Variants in TARS2 observed in about 807,000 individuals in gnomAD.
The protein encoded by TARS2 is threonine--tRNA ligase, mitochondrial.
Under a neutral mutation model 94.4 loss-of-function variants are expected in TARS2, and 61 were observed. The ratio of observed to expected loss-of-function variants is 0.65; its 90% confidence interval spans 0.53 to 0.80. The LOEUF (loss-of-function observed/expected upper bound fraction) is 0.80. Ranked by LOEUF, TARS2 falls within the 30% of genes least tolerant of loss-of-function variation. The pLI, the probability that TARS2 is intolerant of heterozygous loss-of-function variation, is 0.00. For missense variants in TARS2, 704 were observed against 902.5 expected (o/e 0.78, Z 2.82); for synonymous variants, 359 against 353.4 (o/e 1.02, Z -0.18).
intron 7 of TARS2, among the ~76,000 whole-genome samples, chr1:150,495,774 C>A (rs1669635894): frequency 6.6e-6 from 1 of 151,788 alleles, no homozygotes; most frequent in Non-Finnish European, 1.5e-5. Context: ...GGCTGGAGTG[C>A]AGTGGTGCGA....
chr1:150,489,209 C>G, intron 3 of TARS2, 122 bp downstream of exon 3: 1 of 1,410,580 alleles, frequency 7.1e-7, no homozygotes, highest in Non-Finnish European at 1.0e-6. Context: ...GGAGACCTAC[C>G]ACAGACTGTC....
intron 13 of TARS2, among the ~76,000 whole-genome samples, chr1:150,502,364 G>A (rs913028548): frequency 6.7e-6 from 1 of 149,378 alleles, no homozygotes; most frequent in African/African-American, 2.5e-5. Flanking sequence ...TGGGACAGGT[G>A]TGCACCACCA....
intron 5 of TARS2, 24 bp from the exon 6 acceptor site, chr1:150,491,574 A>T (rs1327981238): frequency 6.2e-7 from 1 of 1,614,180 alleles, no homozygotes; most frequent in Non-Finnish European, 8.5e-7. Flanking sequence ...ACTTTTCTTC[A>T]ATCTCCCTTC....
chr1:150,504,479 G>A (rs759016563), intron 14 of TARS2, 44 bp downstream of exon 14: 40 of 1,602,510 alleles, frequency 2.5e-5, no homozygotes, highest in Non-Finnish European at 3.4e-5. Flanking sequence ...ACAGTGCATG[G>A]AATAAGTCCT....
chr1:150,496,366 A>C lies in TARS2; in HGVS notation c.775-116A>C, dbSNP rs1343965. The stretch of plus-strand genomic sequence containing the variant: ...TGGAGGTGTTCATCCTACTGGTGGG[A>C]TTGTTGTCAAGAGGCATACCTGTGA... On this transcript the variant is annotated intron_variant, in intron 7 of 17. Transcript: ENST00000369064. 2.2e-5 allele frequency: 27 copies of C among 1,237,818 alleles called. No individual in the cohort carries two copies. In the South Asian group the frequency reaches 3.8e-4, roughly 17 times the overall value. The allele number at this position is 1,237,818 out of a possible 1,614,324, so 76.7% of individuals were successfully genotyped here.
intron 13 of TARS2, among the ~76,000 whole-genome samples, chr1:150,502,733 G>A (rs954391064): frequency 6.6e-6 from 1 of 152,010 alleles, no homozygotes; most frequent in African/African-American, 2.4e-5. Flanking sequence ...GACTGTGTTG[G>A]GGTCTTTTAT....
chr1:150,500,948 T>C (rs1570860510), intron 13 of TARS2, among the ~76,000 whole-genome samples: 1 of 152,114 alleles, frequency 6.6e-6, no homozygotes, highest in Admixed American at 6.6e-5. Flanking sequence ...GAAGCCTTCA[T>C]AGAAGGGATC....
At chr1:150,501,051 A>G (rs587608694) in intron 13 of TARS2, among the ~76,000 whole-genome samples, 1 of 152,240 alleles carries the variant, frequency 6.6e-6, no homozygotes, top group East Asian at 1.9e-4. Context: ...GGCTCTTCCC[A>G]TCCCATGGTA....
At chr1:150,490,112 G>GT (rs1669315849) in intron 3 of TARS2, among the ~76,000 whole-genome samples, 2 of 94,366 alleles carry the variant, frequency 2.1e-5, no homozygotes, top group Non-Finnish European at 4.4e-5. Context: ...TTTCTATTCA[G>GT]TCTTTTTTTT....
intron 7 of TARS2, among the ~76,000 whole-genome samples, chr1:150,493,646 G>A (rs942669881): frequency 5.9e-5 from 9 of 151,924 alleles, no homozygotes; most frequent in Admixed American, 1.3e-4. Context: ...CCAGCTACTT[G>A]TGAGGCTGAG....
chr1:150,505,653 C>G lies in TARS2; in HGVS notation c.1956C>G (p.Thr652=), dbSNP rs1470388685. 1.9e-6 allele frequency: 3 copies of G among 1,614,166 alleles called. No individual in the cohort carries two copies. The highest frequency in any genetic ancestry group is 2.2e-5 in the South Asian group (2 of 91,080). ...ACCTGGATGCAGACTCTGGACTGAC[C>G]CTCAGCCGGAGAATCCGCCGGGCCC... ...VSDLDADSGL[T]LSRRIRRAQL... The change falls in exon 17 of 18, where the codon ACC becomes ACG. Residue 652 remains threonine, a synonymous_variant. Transcript: ENST00000369064.
chr1:150,489,022 G>A lies in TARS2; in HGVS notation c.322G>A (p.Glu108Lys), dbSNP rs114986628. The A allele has an allele frequency of 1.9e-6, 3 of 1,614,220 alleles. No homozygotes were observed. Among genetic ancestry groups the A allele is most frequent in the Admixed American group, 1.7e-5 (1 of 60,028 alleles). ...AQVNGEPYDL[E>K]RPLETDSDLR... Reference sequence around the variant, plus strand: ...AGTGAATGGAGAACCTTATGATCTGGAGCGGCCCTTGGAGACAGATTCTGA... The same window carrying A: ...AGTGAATGGAGAACCTTATGATCTGAAGCGGCCCTTGGAGACAGATTCTGA... The change falls in exon 3 of 18, where the codon GAG becomes AAG. Residue 108 changes from glutamate (E) to lysine (K), a missense_variant. Coordinates refer to ENST00000369064, the MANE Select transcript of TARS2 (RefSeq NM_025150.5).
rs1345332341 is a variant in TARS2 at position 150,491,383 on chromosome 1, C to T, written c.513-11C>T. The T allele has an allele frequency of 5.0e-6, 8 of 1,609,508 alleles. No individual in the cohort carries two copies. Among genetic ancestry groups the T allele is most frequent in the South Asian group, 2.2e-5 (2 of 90,292 alleles). ...CATAGGATGCAACCCAACCAATTCTCCTCTTTCCAGGACAATCCGGGGCTC... is the reference window on the plus strand; with the variant it reads ...CATAGGATGCAACCCAACCAATTCTTCTCTTTCCAGGACAATCCGGGGCTC... On this transcript the variant is annotated splice_polypyrimidine_tract_variant and intron_variant, in intron 4 of 17. Transcript: ENST00000369064.
At position 150,504,439 on chromosome 1, in the gene TARS2, T is replaced by C; in HGVS notation, c.1718+4T>C. 1 of 1,613,812 alleles carries C rather than the reference T, an allele frequency of 6.2e-7. No individual in the cohort carries two copies. ...GATTTGACCTCCAGTATAAGGGGTA[T>C]AAAACCTTGCCCTATCCTCTTTTCC... On this transcript the variant is annotated splice_donor_region_variant and intron_variant, in intron 14 of 17. Transcript: ENST00000369064.
At chr1:150,502,295 C>T (rs1162474529) in intron 13 of TARS2, among the ~76,000 whole-genome samples, 3 of 151,652 alleles carry the variant, frequency 2.0e-5, no homozygotes, top group African/African-American at 7.3e-5. Context: ...GATCTTGGCT[C>T]ACTGCAACCT....
At chr1:150,489,515 T>C (rs1669286502) in intron 3 of TARS2, among the ~76,000 whole-genome samples, 1 of 151,896 alleles carries the variant, frequency 6.6e-6, no homozygotes, top group Admixed American at 6.6e-5. Context: ...TCCAGAAAAA[T>C]AGAGTTCTCC....
rs746263740 is a variant in TARS2 at position 150,498,847 on chromosome 1, C to T, written c.1402-50C>T. On this transcript the variant is annotated intron_variant, in intron 11 of 17. Coordinates refer to ENST00000369064, the MANE Select transcript of TARS2 (RefSeq NM_025150.5). The stretch of plus-strand genomic sequence containing the variant: ...TGTTTTCCTCAAACTGCCAGCATCC[C>T]TGATCTCTAGCGGGCTCACAGCTCA... 1.9e-6 allele frequency: 3 copies of T among 1,612,626 alleles called. No homozygotes were observed. In the African/African-American group the frequency reaches 4.0e-5, roughly 22 times the overall value.
intron 6 of TARS2, 100 bp downstream of exon 6, chr1:150,491,762 C>A: frequency 7.8e-7 from 1 of 1,287,942 alleles, no homozygotes; most frequent in Non-Finnish European, 1.1e-6. Flanking sequence ...ATTTGTGTTG[C>A]TCCAGAAAAA....
In TARS2 at chr1:150,498,914, A is replaced by G; in HGVS notation, c.1419A>G (p.Gln473=). ...GCCCCTAGCTGGAAGCAGAGATCCAAAGCTGTCTTGATTTCCTCCGTTCCG... is the reference window on the plus strand; with the variant it reads ...GCCCCTAGCTGGAAGCAGAGATCCAGAGCTGTCTTGATTTCCTCCGTTCCG... The part of the protein sequence containing the change: ...CTTDQLEAEI[Q]SCLDFLRSVY... Residue 473 remains glutamine (Q), a synonymous_variant, in exon 12 of 18, where the codon CAA becomes CAG. Coordinates refer to ENST00000369064, the MANE Select transcript of TARS2 (RefSeq NM_025150.5). 1.9e-6 allele frequency: 3 copies of G among 1,614,190 alleles called. No homozygotes were observed. Among genetic ancestry groups the G allele is most frequent in the South Asian group, 1.1e-5 (1 of 91,080 alleles).
Sources: allele counts gnomAD v4.1 joint callset (sites outside exome capture counted in the v4.1 genomes callset), GRCh38; gene constraint gnomAD v4.1.1; transcripts MANE v1.5; gene names NCBI Gene and HGNC (gene_info 2026-07-23, HGNC 2026-07-21).